The following SLC2A5 variants were observed in gnomAD, a reference collection of about 807,000 sequenced individuals.
The protein encoded by SLC2A5 is solute carrier family 2, facilitated glucose transporter member 5.
Under a neutral mutation model 50.3 loss-of-function variants are expected in SLC2A5, and 56 were observed. That is an observed-to-expected ratio of 1.11 (90% CI 0.90 to 1.39). The LOEUF is 1.39. SLC2A5 is among the 40% of genes most tolerant of loss of function. The probability of loss-of-function intolerance (pLI) is 0.00; values close to 1 mark genes in which losing one functional copy is unlikely to be tolerated. For synonymous variants in SLC2A5, 269 were observed against 281.9 expected, an observed-to-expected ratio of 0.95 and a Z score of 0.46; for missense variants, 566 against 650.1, an observed-to-expected ratio of 0.87 and a Z score of 1.41.
rs199996879 is a variant in SLC2A5, at chr1:9,069,519, C to T, written c.18G>A (p.Gln6=). The part of the protein sequence containing the change: MEQQD[Q]SMKEGRLTLV... The stretch of plus-strand genomic sequence containing the variant: ...ACACACTCACCCCTTCCTTCATGCT[C>T]TGATCCTGTTGCTCCATGCTTGCTC... The change falls in exon 1 of 12, where the codon CAG becomes CAA. Residue 6 remains glutamine, a synonymous_variant. Coordinates refer to ENST00000377424, the MANE Select transcript of SLC2A5 (RefSeq NM_003039.3). 1.7e-5 allele frequency: 27 copies of T among 1,614,126 alleles called. No individual in the cohort carries two copies. In the African/African-American group the frequency reaches 3.5e-4, roughly 21 times the overall value.
intron 2 of SLC2A5, among the ~76,000 whole-genome samples, chr1:9,074,889 G>A (rs2124469043): frequency 6.6e-6 from 1 of 152,108 alleles, no homozygotes; most frequent in East Asian, 1.9e-4. Context: ...TGGGTGTGGT[G>A]GTGTGCACCT....
upstream of SLC2A5, among the ~76,000 whole-genome samples, chr1:9,070,630 C>T (rs1642194592): frequency 6.6e-6 from 1 of 152,196 alleles, no homozygotes; most frequent in Non-Finnish European, 1.5e-5. Flanking sequence ...TCACAAGTCC[C>T]ACAGGTTTTC....
intron 3 of SLC2A5, among the ~76,000 whole-genome samples, chr1:9,051,523 A>T (rs943452752): frequency 6.6e-6 from 1 of 152,230 alleles, no homozygotes; most frequent in Non-Finnish European, 1.5e-5. Flanking sequence ...AGATACGCAG[A>T]TGGGAAATAA....
At position 9,041,543 on chromosome 1, in the gene SLC2A5, G is replaced by T. The variant is rs556964738; in HGVS notation, c.571+242C>A. The stretch of plus-strand genomic sequence containing the variant: ...CAGGCAGGGAAGCCCATCACTCAAA[G>T]CCACCTCATCCATCTCCTAAGAGGG... On this transcript the variant is annotated intron_variant, in intron 5 of 11. Coordinates refer to ENST00000377424, the MANE Select transcript of SLC2A5 (RefSeq NM_003039.3). The T allele has an allele frequency of 9.3e-5, 127 of 1,361,764 alleles. No homozygotes were observed. The African/African-American group carries it at 1.8e-3, about 19-fold the overall frequency. 84.4% of individuals were successfully genotyped at this position (1,361,764 alleles called of 1,614,324 possible).
At chr1:9,050,048 G>C (rs1569859811) in intron 3 of SLC2A5, among the ~76,000 whole-genome samples, 3 of 151,982 alleles carry the variant, frequency 2.0e-5, no homozygotes, top group Non-Finnish European at 2.9e-5. Flanking sequence ...AAGGCGGGTG[G>C]ATCACCTGAG....
chr1:9,087,749 G>A (rs372097054), intron 1 of SLC2A5, among the ~76,000 whole-genome samples: 11 of 152,038 alleles, frequency 7.2e-5, no homozygotes, highest in South Asian at 4.1e-4. Context: ...GCTACTCTCC[G>A]GTGGGCTCTC....
Position 9,039,585 on chromosome 1 carries a change from G to T in SLC2A5, c.963C>A (p.Thr321=). 6.3e-7 allele frequency: 1 copy of T among 1,575,604 alleles called. No homozygotes were observed. Among genetic ancestry groups the T allele is most frequent in the Non-Finnish European group, 8.6e-7 (1 of 1,161,612 alleles). Residue 321 remains threonine (T), a synonymous_variant, in exon 8 of 12, where the codon ACC becomes ACA. Coordinates refer to ENST00000377424, the MANE Select transcript of SLC2A5 (RefSeq NM_003039.3). ...AGGTCATGACCACGTTCACGGCCCC[G>T]GTGCCGGCCGTCACGTACTGCACGT... ...EEHVQYVTAG[T]GAVNVVMTFC...
At chr1:9,071,894 A>ATCCCCCTCGGCCTCTGCCTCAGCCCGAG (rs1557682934), upstream of SLC2A5, among the ~76,000 whole-genome samples, 2 of 149,848 alleles carry the variant, frequency 1.3e-5, no homozygotes, top group East Asian at 4.0e-4. Context: ...CTCAGCCCGG[A>ATCCCCCTCGGCCTCTGCCTCAGCCCGAG]TCCCCCTCGG....
At chr1:9,047,795 G>A in intron 3 of SLC2A5, 61 bp from the exon 4 acceptor site, 3 of 1,564,224 alleles carry the variant, frequency 1.9e-6, no homozygotes, top group Admixed American at 1.7e-5. Flanking sequence ...TTCAAGAAAT[G>A]TTTCTGGAGT....
At chr1:9,072,621 T>C (rs1223391055), upstream of SLC2A5, among the ~76,000 whole-genome samples, 3 of 151,720 alleles carry the variant, frequency 2.0e-5, no homozygotes, top group Non-Finnish European at 2.9e-5. Flanking sequence ...GGTGATAGGA[T>C]GGGGGAGAGG....
intron 3 of SLC2A5, among the ~76,000 whole-genome samples, chr1:9,050,319 T>G (rs905942759): frequency 6.6e-6 from 1 of 151,352 alleles, no homozygotes; most frequent in Non-Finnish European, 1.5e-5. Context: ...CTGGGCACTA[T>G]TGGTGGTGCA....
At chr1:9,062,355 T>G (rs1641967288) in intron 1 of SLC2A5, among the ~76,000 whole-genome samples, 4 of 151,154 alleles carry the variant, frequency 2.6e-5, no homozygotes, top group African/African-American at 4.9e-5. Flanking sequence ...GAGAAGAGAG[T>G]GATTCAGAGA....
intron 3 of SLC2A5, among the ~76,000 whole-genome samples, chr1:9,056,796 G>A (rs1237422838): frequency 6.6e-6 from 1 of 152,198 alleles, no homozygotes; most frequent in East Asian, 1.9e-4. Context: ...TGTCACAAGA[G>A]AGATGTCCTA....
chr1:9,043,642 A>G (rs1037590386), intron 4 of SLC2A5, among the ~76,000 whole-genome samples: 2 of 152,018 alleles, frequency 1.3e-5, no homozygotes, highest in Non-Finnish European at 2.9e-5. Flanking sequence ...GGTGGAAAGC[A>G]ATCTCTATTT....
At chr1:9,089,784 G>A (rs780028445), upstream of SLC2A5, among the ~76,000 whole-genome samples, 2 of 152,142 alleles carry the variant, frequency 1.3e-5, no homozygotes, top group Admixed American at 6.5e-5. Context: ...CACCTTCCCC[G>A]TTTGGGTGCC....
At chr1:9,085,670 C>G (rs895901539) in intron 1 of SLC2A5, among the ~76,000 whole-genome samples, 1 of 152,160 alleles carries the variant, frequency 6.6e-6, no homozygotes, top group Non-Finnish European at 1.5e-5. Flanking sequence ...GTTTTAAGAG[C>G]CCTGACTGAG....
Position 9,081,285 on chromosome 1 carries a change from A to AAC in SLC2A5, c.-59+3728_-59+3729insGT, listed in dbSNP as rs1193274196. On this transcript the variant is annotated intron_variant, in intron 2 of 5. Transcript: ENST00000464985. ...AGAAAAAAAAAAAAAAAAAACCCCA[A>AAC]AAAAAAAAAACACGACCAAAACAAA... Among the ~76,000 whole-genome samples the AAC allele has an allele frequency of 3.0e-3, 434 of 145,150 alleles. 12 individuals carry two copies. The East Asian group carries it at 0.049, about 16-fold the overall frequency.
chr1:9,075,115 G>C (rs1455673166), intron 2 of SLC2A5, among the ~76,000 whole-genome samples: 1 of 152,026 alleles, frequency 6.6e-6, no homozygotes, highest in Non-Finnish European at 1.5e-5. Context: ...CCAGGGGAAA[G>C]CAAAAGAGAA....
intron 1 of SLC2A5, among the ~76,000 whole-genome samples, chr1:9,068,032 AT>A (rs1642127445): frequency 6.6e-6 from 1 of 151,908 alleles, no homozygotes; most frequent in Admixed American, 6.6e-5. Flanking sequence ...TCTACTAAAA[AT>A]ACAAAAATTA....
Sources: gnomAD v4.1 joint callset for allele counts (sites outside exome capture counted in the v4.1 genomes callset) on GRCh38, gnomAD v4.1.1 for gene constraint, MANE v1.5 for transcripts, NCBI Gene and HGNC (gene_info 2026-07-23, HGNC 2026-07-21) for gene names.